The following B3GALT5 variants were observed in gnomAD, a reference collection of about 807,000 sequenced individuals.
B3GALT5 encodes the protein UDP-Gal:betaGlcNAc beta 1,3-galactosyltransferase, polypeptide 5.
For synonymous variants in B3GALT5, 156 were observed against 158.6 expected (o/e 0.98, Z 0.12); for missense variants, 328 against 396.6 (o/e 0.83, Z 1.47).
intron 1 of B3GALT5, among the ~76,000 whole-genome samples, chr21:39,631,688 T>C (rs1437017709): frequency 6.6e-6 from 1 of 152,184 alleles, no homozygotes; most frequent in Non-Finnish European, 1.5e-5. Context: ...GGTATTGAGA[T>C]TTAAACAGAT....
At chr21:39,617,606 G>A (rs1304364879) in intron 1 of B3GALT5, among the ~76,000 whole-genome samples, 1 of 152,186 alleles carries the variant, frequency 6.6e-6, no homozygotes, top group Non-Finnish European at 1.5e-5. Context: ...GACACTTGAG[G>A]ATTACAGCCG....
At chr21:39,615,596 G>C (rs1257164627) in intron 1 of B3GALT5, among the ~76,000 whole-genome samples, 1 of 152,184 alleles carries the variant, frequency 6.6e-6, no homozygotes, top group African/African-American at 2.4e-5. Flanking sequence ...GAGATAAATA[G>C]CTCAGGCTCT....
intron 1 of B3GALT5, among the ~76,000 whole-genome samples, chr21:39,620,334 A>G (rs926442833): frequency 3.3e-5 from 5 of 152,314 alleles, no homozygotes; most frequent in Admixed American, 2.0e-4. Context: ...GTATTCCTCA[A>G]TTTGGAGTTG....
intron 1 of B3GALT5, among the ~76,000 whole-genome samples, chr21:39,616,322 G>C (rs1177350747): frequency 6.6e-6 from 1 of 152,120 alleles, no homozygotes; most frequent in Non-Finnish European, 1.5e-5. Context: ...GGTGATCACT[G>C]TGCTTCCTAA....
intron 1 of B3GALT5, among the ~76,000 whole-genome samples, chr21:39,616,690 G>A (rs1340628969): frequency 6.6e-6 from 1 of 152,144 alleles, no homozygotes; most frequent in East Asian, 1.9e-4. Flanking sequence ...CCTTCCCAGA[G>A]CTTCCTTTGG....
chr21:39,617,426 G>A (rs747344673), intron 1 of B3GALT5, among the ~76,000 whole-genome samples: 12 of 152,206 alleles, frequency 7.9e-5, no homozygotes, highest in Non-Finnish European at 1.8e-4. Context: ...CAATCATGGC[G>A]GAAGGGGAGG....
At chr21:39,630,984 A>G (rs1471409311) in intron 1 of B3GALT5, among the ~76,000 whole-genome samples, 1 of 152,172 alleles carries the variant, frequency 6.6e-6, no homozygotes, top group Non-Finnish European at 1.5e-5. Flanking sequence ...GGAAGCACGC[A>G]TGGATAGAAT....
chr21:39,660,469 C>A (rs553760421), intron 3 of B3GALT5, 91 bp from the exon 4 acceptor site: 12 of 1,141,278 alleles, frequency 1.1e-5, no homozygotes, highest in Non-Finnish European at 1.4e-5. Flanking sequence ...TTCCAAAACA[C>A]GGGTCTCCTC....
At chr21:39,629,390 C>T (rs1395619384) in intron 1 of B3GALT5, among the ~76,000 whole-genome samples, 1 of 152,074 alleles carries the variant, frequency 6.6e-6, no homozygotes, top group Non-Finnish European at 1.5e-5. Flanking sequence ...TTTTTCTTTT[C>T]TATGTTGATT....
In B3GALT5 at chr21:39,673,035, A is replaced by G. The variant is rs952857403; in HGVS notation, c.*11543A>G. 1 of 152,206 alleles carries G rather than the reference A, an allele frequency of 6.6e-6. No individual in the cohort carries two copies. Among genetic ancestry groups the G allele is most frequent in the African/African-American group, 2.4e-5 (1 of 41,448 alleles). The allele number at this position is 152,206 out of a possible 1,614,324, so 9.4% of individuals were successfully genotyped here. Reference sequence around the variant, plus strand: ...AAATCAAGTCTTGTGAATTGATACGATTGTACTTCTAGAGTCTTTGATGAT... The same window carrying G: ...AAATCAAGTCTTGTGAATTGATACGGTTGTACTTCTAGAGTCTTTGATGAT... On this transcript the variant is annotated 3_prime_UTR_variant, in exon 4 of 4. Coordinates refer to ENST00000684187, the MANE Select transcript of B3GALT5 (RefSeq NM_001356336.2). This position sits in a 1 kb window ranked among gnomAD's most constrained non-coding sequence, Gnocchi z 5.2.
chr21:39,648,422 C>T lies in B3GALT5; in HGVS notation c.-161+1800C>T, dbSNP rs1374051025. Reference sequence around the variant, plus strand: ...ATGTGCACCTTCTCTTTCTCACTGTCCTGAGTCTGAGTCCCAAGGCCAGGT... The same window carrying T: ...ATGTGCACCTTCTCTTTCTCACTGTTCTGAGTCTGAGTCCCAAGGCCAGGT... On this transcript the variant is annotated intron_variant, in intron 2 of 3. Coordinates refer to ENST00000684187, the MANE Select transcript of B3GALT5 (RefSeq NM_001356336.2). Among the ~76,000 whole-genome samples, 5 of 152,274 alleles carry T rather than the reference C, an allele frequency of 3.3e-5. No homozygotes were observed. The South Asian group carries it at 8.3e-4, about 25-fold the overall frequency.
chr21:39,635,113 T>C (rs1161522249), intron 1 of B3GALT5, among the ~76,000 whole-genome samples: 3 of 152,182 alleles, frequency 2.0e-5, no homozygotes, highest in African/African-American at 7.2e-5. Context: ...TGGCAATGAT[T>C]GCAATTAACA....
chr21:39,641,773 A>G (rs969264965), intron 1 of B3GALT5, among the ~76,000 whole-genome samples: 1 of 152,198 alleles, frequency 6.6e-6, no homozygotes, highest in African/African-American at 2.4e-5. Flanking sequence ...CATATATTCT[A>G]TCATATAATA....
At chr21:39,615,030 C>G (rs900350746) in intron 1 of B3GALT5, among the ~76,000 whole-genome samples, 10 of 152,190 alleles carry the variant, frequency 6.6e-5, no homozygotes, top group Admixed American at 1.3e-4. Flanking sequence ...TGGGTCCCAC[C>G]CAAGCTTCGT....
chr21:39,645,178 C>T lies in B3GALT5; in HGVS notation c.-391-1214C>T, dbSNP rs1040542231. 8.5e-5 allele frequency among the ~76,000 whole-genome samples: 13 copies of T among 152,302 alleles called. No individual in the cohort carries two copies. The East Asian group carries it at 1.2e-3, about 14-fold the overall frequency. On this transcript the variant is annotated intron_variant, in intron 1 of 3. Coordinates refer to ENST00000684187, the MANE Select transcript of B3GALT5 (RefSeq NM_001356336.2). ...GTGTCCAAAATCACACTTTCCTGAC[C>T]GTTCCCGGAGTCTTACTTGGTAACC...
intron 1 of B3GALT5, among the ~76,000 whole-genome samples, chr21:39,639,351 C>CTTTCTTTCTTTTT (rs1569212202): frequency 4.4e-4 from 28 of 64,024 alleles, no homozygotes; most frequent in Non-Finnish European, 5.1e-4. Flanking sequence ...TCTTTCTTTC[C>CTTTCTTTCTTTTT]TTCCTTCCTT....
chr21:39,614,829 C>T (rs944515577), intron 1 of B3GALT5, among the ~76,000 whole-genome samples: 3 of 152,148 alleles, frequency 2.0e-5, no homozygotes, highest in Admixed American at 6.5e-5. Flanking sequence ...TTTAACTGGG[C>T]GTCTGATCAG....
At chr21:39,642,159 A>T (rs529825293) in intron 1 of B3GALT5, among the ~76,000 whole-genome samples, 1 of 152,208 alleles carries the variant, frequency 6.6e-6, no homozygotes, top group African/African-American at 2.4e-5. Context: ...CTAGTTTTCC[A>T]TCACGTCCAT....
At chr21:39,614,725 G>T (rs2079098600) in intron 1 of B3GALT5, among the ~76,000 whole-genome samples, 1 of 152,206 alleles carries the variant, frequency 6.6e-6, no homozygotes, top group African/African-American at 2.4e-5. Context: ...ACGGGTCCAA[G>T]AAGAGTTTCA....
Sources: gnomAD v4.1 joint callset for allele counts (sites outside exome capture counted in the v4.1 genomes callset) on GRCh38, gnomAD v4.1.1 for gene constraint, Gnocchi (gnomAD v3.1) non-coding constraint, MANE v1.5 for transcripts, NCBI Gene and HGNC (gene_info 2026-07-23, HGNC 2026-07-21) for gene names.